Variants in RNF144B observed in about 807,000 individuals in gnomAD.
RNF144B encodes the protein E3 ubiquitin-protein ligase RNF144B.
In RNF144B, 25 loss-of-function variants were observed where a neutral mutation model predicts 40.2. The ratio of observed to expected loss-of-function variants is 0.62; its 90% CI spans 0.45 to 0.87. RNF144B has a LOEUF of 0.87. Among genes scored for constraint, RNF144B ranks in the 40% least tolerant of loss-of-function variants. The pLI is 0.00. For missense variants in RNF144B, 365 were observed against 373.7 expected (o/e 0.98, Z 0.19); for synonymous variants, 145 against 136.3 (o/e 1.06, Z -0.44).
chr6:18,407,313 T>C (rs553563227), intron 2 of RNF144B, among the ~76,000 whole-genome samples: 110 of 152,130 alleles, frequency 7.2e-4, no homozygotes, highest in Non-Finnish European at 1.3e-3. Flanking sequence ...CCAGAGATGA[T>C]AGTGGCCTGG....
intron 2 of RNF144B, among the ~76,000 whole-genome samples, chr6:18,420,422 G>T (rs1028713886): frequency 1.3e-5 from 2 of 152,126 alleles, no homozygotes; most frequent in African/African-American, 4.8e-5. Context: ...TTAGGTGCTT[G>T]TAGGGGACAT....
At position 18,395,514 on chromosome 6, in the gene RNF144B, G is replaced by T. The variant is rs934314261; in HGVS notation, c.-36-3985G>T. Among the ~76,000 whole-genome samples, 2 of 152,028 alleles carry T rather than the reference G, an allele frequency of 1.3e-5. No individual in the cohort carries two copies. Among genetic ancestry groups the T allele is most frequent in the Non-Finnish European group, 2.9e-5 (2 of 67,990 alleles). On this transcript the variant is annotated intron_variant, in intron 1 of 7. Coordinates refer to ENST00000259939, the MANE Select transcript of RNF144B (RefSeq NM_182757.4). The surrounding 1 kb of genome is among the most constrained non-coding windows in gnomAD (Gnocchi z 4.5). ...CATTAGAGGCTTTCAGGATTCTCCT[G>T]TTTACTGATTGAAGAGCTCATTTTG...
At position 18,459,196 on chromosome 6, in the gene RNF144B, A is replaced by T. The variant is rs1181054998; in HGVS notation, c.537-411A>T. 6.6e-6 allele frequency among the ~76,000 whole-genome samples: 1 copy of T among 152,142 alleles called. No individual in the cohort carries two copies. The highest frequency in any genetic ancestry group is 6.5e-5 in the Admixed American group (1 of 15,268). Reference sequence around the variant, plus strand: ...TTTTGAAAGTATTTGACATTATTTTAAAGTGTTTATATTTGAGAACCCCTT... The same window carrying T: ...TTTTGAAAGTATTTGACATTATTTTTAAGTGTTTATATTTGAGAACCCCTT... On this transcript the variant is annotated intron_variant, in intron 5 of 7. Transcript: ENST00000259939. This position sits in a 1 kb window ranked among gnomAD's most constrained non-coding sequence, Gnocchi z 4.2.
rs1758453928 is a variant in RNF144B, at chr6:18,422,635, GA to G, written c.166-4944del. On this transcript the variant is annotated intron_variant, in intron 2 of 7. Transcript: ENST00000259939. This position sits in a 1 kb window ranked among gnomAD's most constrained non-coding sequence, Gnocchi z 4.7. ...CACAGGACCCCAGCGCCTGCATCCA[GA>G]AGCATCTAAGATCCTGGAAGTCAAC... 2.0e-5 allele frequency among the ~76,000 whole-genome samples: 3 copies of G among 152,140 alleles called. No individual in the cohort carries two copies. Among genetic ancestry groups the G allele is most frequent in the African/African-American group, 4.8e-5 (2 of 41,418 alleles).
At chr6:18,439,389 C>T (rs769456047) in intron 3 of RNF144B, among the ~76,000 whole-genome samples, 15 of 152,012 alleles carry the variant, frequency 9.9e-5, no homozygotes, top group Non-Finnish European at 2.1e-4. Flanking sequence ...TTAGAAGTCC[C>T]TGTAATAAAA....
intron 2 of RNF144B, among the ~76,000 whole-genome samples, chr6:18,408,664 C>T (rs1046677691): frequency 6.6e-6 from 1 of 152,040 alleles, no homozygotes; most frequent in Non-Finnish European, 1.5e-5. Flanking sequence ...GGTGCCGCTG[C>T]GAAGGGCCCT....
rs1759408692 is a variant in RNF144B at position 18,459,644 on chromosome 6, C to T, written c.574C>T (p.Gln192Ter). ...FGTDAEAPIK[Q>*]CPVCRVYIER... The stretch of plus-strand genomic sequence containing the variant: ...GACAGATGCAGAAGCCCCCATTAAG[C>T]AGTGCCCAGTTTGCCGGGTTTATAT... The change falls in exon 6 of 8, where the codon CAG becomes TAG. Residue 192 changes from glutamine to a stop codon, truncating the protein, a stop_gained. Coordinates refer to ENST00000259939, the MANE Select transcript of RNF144B (RefSeq NM_182757.4). LOFTEE classifies it high-confidence loss of function. This position sits in a 1 kb window ranked among gnomAD's most constrained non-coding sequence, Gnocchi z 4.2. 6.2e-7 allele frequency: 1 copy of T among 1,614,014 alleles called. No homozygotes were observed. The highest frequency in any genetic ancestry group is 2.2e-5 in the East Asian group (1 of 44,872).
chr6:18,395,570 T>C lies in RNF144B; in HGVS notation c.-36-3929T>C, dbSNP rs1054680499. 1.4e-5 allele frequency among the ~76,000 whole-genome samples: 2 copies of C among 139,008 alleles called. No homozygotes were observed. The highest frequency in any genetic ancestry group is 3.1e-5 in the Non-Finnish European group (2 of 63,886). The allele number at this position is 139,008 out of a possible 152,430, so 91.2% of individuals were successfully genotyped here. On this transcript the variant is annotated intron_variant, in intron 1 of 7. Transcript: ENST00000259939. This position sits in a 1 kb window ranked among gnomAD's most constrained non-coding sequence, Gnocchi z 4.5. ...AATCAATGGTGAAAGGATTTCTTGT[T>C]TGATATTCTTTTTTTTTTTTAAATG...
At position 18,447,842 on chromosome 6, in the gene RNF144B, C is replaced by G. The variant is rs945209474; in HGVS notation, c.331+8098C>G. On this transcript the variant is annotated intron_variant, in intron 4 of 7. Transcript: ENST00000259939. This position sits in a 1 kb window ranked among gnomAD's most constrained non-coding sequence, Gnocchi z 5.6. ...AAAGAAGCAGTTTCAGGACTGAGCC[C>G]TGGGACACTATAGGTTTTAGAAGAG... Among the ~76,000 whole-genome samples the G allele has an allele frequency of 3.1e-4, 47 of 152,272 alleles. No individual in the cohort carries two copies. Among genetic ancestry groups the G allele is most frequent in the African/African-American group, 1.0e-3 (43 of 41,542 alleles).
intron 6 of RNF144B, 76 bp from the exon 7 acceptor site, chr6:18,463,215 G>T (rs1351808521): frequency 1.1e-6 from 1 of 931,882 alleles, no homozygotes; most frequent in Non-Finnish European, 1.7e-6. Flanking sequence ...CTTCCATTTG[G>T]TGATCTGATG....
rs1425421766 is a variant in RNF144B, at chr6:18,400,997, T to A, written c.165+1298T>A. On this transcript the variant is annotated intron_variant, in intron 2 of 7. Coordinates refer to ENST00000259939, the MANE Select transcript of RNF144B (RefSeq NM_182757.4). This position sits in a 1 kb window ranked among gnomAD's most constrained non-coding sequence, Gnocchi z 5.6. ...GTTTCCTTTGGTCTTGCTTTGTTTC[T>A]GAAGGCTGTCCTTCAAAACAATTAT... 6.6e-6 allele frequency among the ~76,000 whole-genome samples: 1 copy of A among 152,204 alleles called. No homozygotes were observed. The highest frequency in any genetic ancestry group is 1.5e-5 in the Non-Finnish European group (1 of 68,028).
Position 18,387,428 on chromosome 6 carries a change from C to T in RNF144B, c.-239C>T, listed in dbSNP as rs1794471179. ...CAAGGCTAGGAGGCGGTCGGGGACT[C>T]CGCCTCCTCCCGACCCGTAGGTCTG... On this transcript the variant is annotated 5_prime_UTR_variant, in exon 1 of 8. Coordinates refer to ENST00000259939, the MANE Select transcript of RNF144B (RefSeq NM_182757.4). 2 of 1,186,946 alleles carry T rather than the reference C, an allele frequency of 1.7e-6. No individual in the cohort carries two copies. Among genetic ancestry groups the T allele is most frequent in the Non-Finnish European group, 2.1e-6 (2 of 934,444 alleles). 73.5% of individuals were successfully genotyped at this position (1,186,946 alleles called of 1,614,324 possible). A position where few individuals can be genotyped will look rare whatever the true frequency, so the allele number is the denominator to read the frequency against.
intron 1 of RNF144B, 99 bp downstream of exon 1, chr6:18,387,729 A>C: frequency 1.9e-6 from 2 of 1,052,146 alleles, no homozygotes; most frequent in South Asian, 3.0e-5. Flanking sequence ...GTGACACCAC[A>C]ATTTTTCGAT....
At chr6:18,420,711 A>G (rs1323473625) in intron 2 of RNF144B, among the ~76,000 whole-genome samples, 1 of 152,082 alleles carries the variant, frequency 6.6e-6, no homozygotes, top group Non-Finnish European at 1.5e-5. Flanking sequence ...GTGAGAAGGC[A>G]ATACCACCAG....
At position 18,410,867 on chromosome 6, in the gene RNF144B, T is replaced by A. The variant is rs779039434; in HGVS notation, c.165+11168T>A. On this transcript the variant is annotated intron_variant, in intron 2 of 7. Transcript: ENST00000259939. This position sits in a 1 kb window ranked among gnomAD's most constrained non-coding sequence, Gnocchi z 4.6. Reference sequence around the variant, plus strand: ...AATGTCCTTATCAACTTAGGATACATGTGTATGGCAGACTGCAGTTTTGAT... The same window carrying A: ...AATGTCCTTATCAACTTAGGATACAAGTGTATGGCAGACTGCAGTTTTGAT... Among the ~76,000 whole-genome samples, 1 of 152,172 alleles carries A rather than the reference T, an allele frequency of 6.6e-6. No individual in the cohort carries two copies.
rs1199962221 is a variant in RNF144B at position 18,466,728 on chromosome 6, AT to A, written c.*1663del. On this transcript the variant is annotated 3_prime_UTR_variant, in exon 8 of 8. Coordinates refer to ENST00000259939, the MANE Select transcript of RNF144B (RefSeq NM_182757.4). The stretch of plus-strand genomic sequence containing the variant: ...ATCAAATTGCTGCTATCTCGGACCT[AT>A]TGTTAAAGGATGATGCTTTGCCTAT... 1 of 152,584 alleles carries A rather than the reference AT, an allele frequency of 6.6e-6. No individual in the cohort carries two copies. The highest frequency in any genetic ancestry group is 1.5e-5 in the Non-Finnish European group (1 of 68,016). The allele number at this position is 152,584 out of a possible 1,614,324, so 9.5% of individuals were successfully genotyped here.
At chr6:18,463,082 A>G (rs1759498811) in intron 6 of RNF144B, among the ~76,000 whole-genome samples, 1 of 151,756 alleles carries the variant, frequency 6.6e-6, no homozygotes, top group Non-Finnish European at 1.5e-5. Context: ...AAAAATAATT[A>G]ATTGAGATTC....
In RNF144B at chr6:18,400,330, C is replaced by G. The variant is rs9371056; in HGVS notation, c.165+631C>G. 5.7e-4 allele frequency among the ~76,000 whole-genome samples: 86 copies of G among 151,864 alleles called. 1 individual carries two copies. In the East Asian group the frequency reaches 0.017, roughly 29 times the overall value. On this transcript the variant is annotated intron_variant, in intron 2 of 7. Coordinates refer to ENST00000259939, the MANE Select transcript of RNF144B (RefSeq NM_182757.4). This position sits in a 1 kb window ranked among gnomAD's most constrained non-coding sequence, Gnocchi z 5.6. ...TTAACTACCACCTATAAGAAACTCA[C>G]CAGGTATTTTAAATGATGGAGAAGT...
In RNF144B at chr6:18,444,099, C is replaced by G. The variant is rs1480104017; in HGVS notation, c.331+4355C>G. Among the ~76,000 whole-genome samples the G allele has an allele frequency of 6.6e-6, 1 of 152,194 alleles. No individual in the cohort carries two copies. The highest frequency in any genetic ancestry group is 1.5e-5 in the Non-Finnish European group (1 of 68,034). ...TGTTGTTCAGTGTGTGAATTGTCCTCTGCTTTGTGTTACGTATTTGCTCAG... is the reference window on the plus strand; with the variant it reads ...TGTTGTTCAGTGTGTGAATTGTCCTGTGCTTTGTGTTACGTATTTGCTCAG... On this transcript the variant is annotated intron_variant, in intron 4 of 7. Transcript: ENST00000259939. This position sits in a 1 kb window ranked among gnomAD's most constrained non-coding sequence, Gnocchi z 4.3.
Sources: gnomAD v4.1 joint callset for allele counts (sites outside exome capture counted in the v4.1 genomes callset) on GRCh38, gnomAD v4.1.1 for gene constraint, Gnocchi (gnomAD v3.1) non-coding constraint, MANE v1.5 for transcripts, NCBI Gene and HGNC (gene_info 2026-07-23, HGNC 2026-07-21) for gene names.